The following TPR variants were observed in gnomAD, a reference collection of about 807,000 sequenced individuals.
TPR encodes translocated promoter region, nuclear basket protein, also known as nucleoprotein TPR.
TPR carries 51 observed loss-of-function variants against 316.1 expected under a neutral mutation model. That is an observed-to-expected ratio of 0.16 (90% CI 0.13 to 0.20). The LOEUF (loss-of-function observed/expected upper bound fraction) is 0.20. Ranked by LOEUF, TPR falls within the 10% of genes least tolerant of loss-of-function variation. The pLI is 1.00. For missense variants in TPR, 2,272 were observed against 2,754.8 expected (o/e 0.82, Z 3.92); for synonymous variants, 981 against 914.7 (o/e 1.07, Z -1.31).
chr1:186,368,237 T>C (rs574250177), intron 3 of TPR, among the ~76,000 whole-genome samples: 1 of 152,324 alleles, frequency 6.6e-6, no homozygotes, highest in South Asian at 2.1e-4. Context: ...CCTAATAACT[T>C]AGAATATCAC....
intron 39 of TPR, among the ~76,000 whole-genome samples, chr1:186,330,589 G>A (rs1021813149): frequency 1.3e-5 from 2 of 151,878 alleles, no homozygotes; most frequent in South Asian, 2.1e-4. Flanking sequence ...TATGTATAGC[G>A]TTTCCCCAAA....
At position 186,338,009 on chromosome 1, in the gene TPR, GTAAGA is replaced by G; in HGVS notation, c.4362+19_4362+23del. ...ATAACATTCATCCTAGTTTTTTTTTGTAAGATAAGTTTCTTCAAAATACCTTATCC... is the reference window on the plus strand; with the variant it reads ...ATAACATTCATCCTAGTTTTTTTTTGTAAGTTTCTTCAAAATACCTTATCC... On this transcript the variant is annotated intron_variant, in intron 31 of 50. Coordinates refer to ENST00000367478, the MANE Select transcript of TPR (RefSeq NM_003292.3). The G allele has an allele frequency of 6.6e-7, 1 of 1,514,164 alleles. No homozygotes were observed. The highest frequency in any genetic ancestry group is 1.9e-4 in the Middle Eastern group (1 of 5,164). The allele number at this position is 1,514,164 out of a possible 1,614,324, so 93.8% of individuals were successfully genotyped here.
At chr1:186,330,934 T>C (rs954144300) in intron 39 of TPR, among the ~76,000 whole-genome samples, 3 of 152,102 alleles carry the variant, frequency 2.0e-5, no homozygotes, top group East Asian at 3.9e-4. Context: ...AGTGAGACAA[T>C]GCAGGGAATT....
Position 186,313,590 on chromosome 1 carries a change from T to C in TPR, c.*381A>G. On this transcript the variant is annotated 3_prime_UTR_variant, in exon 51 of 51. Transcript: ENST00000367478. ...AACATCTCTATTAAAATGATAAACA[T>C]TGTCTTTGAGCATAATAGTCAACAT... 2 of 788,366 alleles carry C rather than the reference T, an allele frequency of 2.5e-6. No homozygotes were observed. The highest frequency in any genetic ancestry group is 4.5e-6 in the Non-Finnish European group (2 of 446,590). 48.8% of individuals were successfully genotyped at this position (788,366 alleles called of 1,614,324 possible).
In TPR at chr1:186,325,793, T is replaced by C. The variant is rs1362234235; in HGVS notation, c.6083A>G (p.Asn2028Ser). The change falls in exon 42 of 51, where the codon AAT (asparagine) becomes AGT (serine). Residue 2028 changes from asparagine (N) to serine (S), a missense_variant. Around this residue, in one of 10 missense-constraint regions of TPR, gnomAD observed 435 missense variants for 461.1 expected, o/e 0.94. Transcript: ENST00000367478. Reference protein sequence around the residue: ...TEESMGGGEGNHRAADSQNSG... With the variant: ...TEESMGGGEGSHRAADSQNSG... ...GTTTTGAGAATCAGCAGCTCTGTGA[T>C]TACCTTCACCTCCACCCATACTTTC... 6.2e-7 allele frequency: 1 copy of C among 1,613,564 alleles called. No homozygotes were observed. The highest frequency in any genetic ancestry group is 8.5e-7 in the Non-Finnish European group (1 of 1,179,650).
rs1658310089 is a variant in TPR at position 186,335,440 on chromosome 1, C to T, written c.4809G>A (p.Lys1603=). ...DELDVRITAL[K]SQYEGRISRL... is the part of the protein sequence containing the mutation. ...GACTAATTCGACCTTCATATTGGGA[C>T]TTTAGCGCAGTAATGCGAACATCCA... Residue 1603 remains lysine (K), a synonymous_variant, in exon 34 of 51, where the codon AAG becomes AAA. Coordinates refer to ENST00000367478, the MANE Select transcript of TPR (RefSeq NM_003292.3). 1.9e-6 allele frequency: 3 copies of T among 1,613,784 alleles called. No individual in the cohort carries two copies. The highest frequency in any genetic ancestry group is 2.5e-6 in the Non-Finnish European group (3 of 1,179,766).
chr1:186,331,251 T>C (rs1261029431), intron 39 of TPR, among the ~76,000 whole-genome samples: 1 of 152,052 alleles, frequency 6.6e-6, no homozygotes, highest in African/African-American at 2.4e-5. Context: ...CTCACAACTC[T>C]AAAAAATCTG....
In TPR at chr1:186,339,626, GCTTCTTT is replaced by G. The variant is rs1476515299; in HGVS notation, c.4151+9_4151+15del. 2.6e-6 allele frequency: 4 copies of G among 1,526,416 alleles called. No homozygotes were observed. Among genetic ancestry groups the G allele is most frequent in the Non-Finnish European group, 3.5e-6 (4 of 1,141,556 alleles). The allele number at this position is 1,526,416 out of a possible 1,614,324, so 94.6% of individuals were successfully genotyped here. ...TCTTTTATATTATATATGATTTAAG[GCTTCTTT>G]CCATATACCTTGCAATTTCAGCTTT... On this transcript the variant is annotated intron_variant, in intron 30 of 50. Coordinates refer to ENST00000367478, the MANE Select transcript of TPR (RefSeq NM_003292.3).
intron 37 of TPR, among the ~76,000 whole-genome samples, chr1:186,332,820 A>G (rs1334487226): frequency 2.6e-5 from 4 of 151,976 alleles, no homozygotes; most frequent in Admixed American, 1.3e-4. Context: ...TAAGACCAGT[A>G]AAAAAAATAA....
chr1:186,371,826 C>T (rs548311133), intron 2 of TPR, among the ~76,000 whole-genome samples: 2 of 152,172 alleles, frequency 1.3e-5, no homozygotes, highest in South Asian at 4.1e-4. Flanking sequence ...TACTGCTTTC[C>T]AGACTTACTG....
At chr1:186,367,514 T>C (rs1297160518) in intron 4 of TPR, among the ~76,000 whole-genome samples, 1 of 152,250 alleles carries the variant, frequency 6.6e-6, no homozygotes, top group Non-Finnish European at 1.5e-5. Context: ...TATGTTCTTA[T>C]ATTGAATGCT....
In TPR at chr1:186,312,238, C is replaced by T. The variant is rs1043443207; in HGVS notation, c.*1733G>A. The T allele has an allele frequency of 5.0e-6, 8 of 1,613,900 alleles. No individual in the cohort carries two copies. In the African/African-American group the frequency reaches 9.3e-5, roughly 19 times the overall value. The stretch of plus-strand genomic sequence containing the variant: ...GTACAGAAGTGCCCTGGAAGAAGGC[C>T]TGCTCTAAATTATCCAGTGTATGGA... On this transcript the variant is annotated 3_prime_UTR_variant, in exon 51 of 51. Transcript: ENST00000367478.
chr1:186,361,903 T>C, intron 7 of TPR, 34 bp from the exon 8 acceptor site: 1 of 1,590,234 alleles, frequency 6.3e-7, no homozygotes, highest in East Asian at 2.2e-5. Flanking sequence ...GCAGTCTACT[T>C]TGAACTAAAT....
chr1:186,362,388 CA>C lies in TPR; in HGVS notation c.697-9del, dbSNP rs1659222203. The C allele has an allele frequency of 1.3e-6, 2 of 1,598,254 alleles. No individual in the cohort carries two copies. The highest frequency in any genetic ancestry group is 1.7e-6 in the Non-Finnish European group (2 of 1,167,638). Reference sequence around the variant, plus strand: ...TTCTTCCAGTCTAGAAACCTAAAAACAAAAAATAGAGCAGGGGGAAAGGATG... The same window carrying C: ...TTCTTCCAGTCTAGAAACCTAAAAACAAAAATAGAGCAGGGGGAAAGGATG... On this transcript the variant is annotated splice_polypyrimidine_tract_variant and intron_variant, in intron 6 of 50. Transcript: ENST00000367478.
chr1:186,323,366 T>C (rs1474247818), intron 43 of TPR, among the ~76,000 whole-genome samples: 2 of 152,186 alleles, frequency 1.3e-5, no homozygotes, highest in Non-Finnish European at 2.9e-5. Context: ...AATCAGATAA[T>C]GGTGAGCTGC....
chr1:186,342,679 T>G (rs1470689183), intron 27 of TPR: 1 of 152,254 alleles, frequency 6.6e-6, no homozygotes, highest in Non-Finnish European at 1.5e-5. Context: ...ATAAATGTTT[T>G]AAGATCTTAA....
intron 33 of TPR, among the ~76,000 whole-genome samples, chr1:186,336,102 G>A (rs1658331217): frequency 6.6e-6 from 1 of 152,024 alleles, no homozygotes; most frequent in Non-Finnish European, 1.5e-5. Flanking sequence ...AAAAGCTAGA[G>A]GGGTCCTCCA....
intron 31 of TPR, 28 bp from the exon 32 acceptor site, chr1:186,337,184 T>C (rs769201886): frequency 1.8e-5 from 28 of 1,584,956 alleles, no homozygotes; most frequent in Non-Finnish European, 2.3e-5. Context: ...AATAATACAC[T>C]CACATATTTA....
Position 186,321,442 on chromosome 1 carries a change from G to A in TPR, c.6461+876C>T, listed in dbSNP as rs199513099. Among the ~76,000 whole-genome samples the A allele has an allele frequency of 3.3e-5, 5 of 152,284 alleles. No individual in the cohort carries two copies. In the East Asian group the frequency reaches 9.6e-4, roughly 29 times the overall value. ...GTGGTATAGCACAACACTTAGCATA[G>A]CCTCTACAGCCAGACTAACTGGTTT... On this transcript the variant is annotated intron_variant, in intron 45 of 50. Coordinates refer to ENST00000367478, the MANE Select transcript of TPR (RefSeq NM_003292.3).
Sources: allele counts gnomAD v4.1 joint callset (sites outside exome capture counted in the v4.1 genomes callset), GRCh38; gene constraint gnomAD v4.1.1; regional missense constraint gnomAD v4.1.1; transcripts MANE v1.5; gene names NCBI Gene and HGNC (gene_info 2026-07-23, HGNC 2026-07-21).